KSR2: variants seen among roughly 807,000 people sequenced by gnomAD.
The protein encoded by KSR2 is kinase suppressor of ras 2.
Under a neutral mutation model 107.8 loss-of-function variants are expected in KSR2, and 25 were observed. That is an observed-to-expected ratio of 0.23 (90% CI 0.17 to 0.32). KSR2 has a LOEUF of 0.32. Ranked by LOEUF, KSR2 falls within the 10% of genes least tolerant of loss-of-function variation. KSR2 has a pLI of 1.00. For synonymous variants in KSR2, 480 were observed against 507.0 expected, an observed-to-expected ratio of 0.95 and a Z score of 0.71; for missense variants, 887 against 1,268.9, an observed-to-expected ratio of 0.70 and a Z score of 4.57.
chr12:117,546,191 C>T (rs1053216862), intron 9 of KSR2, among the ~76,000 whole-genome samples: 8 of 152,168 alleles, frequency 5.3e-5, no homozygotes, highest in African/African-American at 1.9e-4. Context: ...CTTCATCTGA[C>T]AATGTCTTGA....
intron 5 of KSR2, among the ~76,000 whole-genome samples, chr12:117,657,786 C>A (rs1316503770): frequency 6.6e-6 from 1 of 152,204 alleles, no homozygotes; most frequent in African/African-American, 2.4e-5. Context: ...ATGTTCGTTG[C>A]TATCTATTCA....
At chr12:117,860,651 C>T (rs1307517421) in intron 1 of KSR2, among the ~76,000 whole-genome samples, 4 of 152,120 alleles carry the variant, frequency 2.6e-5, no homozygotes, top group African/African-American at 4.8e-5. Flanking sequence ...TTGGGGGAGG[C>T]GGCGCACATT....
intron 14 of KSR2, among the ~76,000 whole-genome samples, chr12:117,490,747 G>T (rs1057166813): frequency 2.0e-5 from 3 of 152,074 alleles, no homozygotes; most frequent in African/African-American, 7.2e-5. Flanking sequence ...AATGAAGCAT[G>T]GTATCAATCT....
intron 1 of KSR2, among the ~76,000 whole-genome samples, chr12:117,914,288 G>T (rs2137437401): frequency 6.6e-6 from 1 of 152,086 alleles, no homozygotes; most frequent in South Asian, 2.1e-4. Flanking sequence ...AATTAGCCAG[G>T]CGTGGTGGCA....
chr12:117,690,099 C>CA (rs1885750902), intron 4 of KSR2, among the ~76,000 whole-genome samples: 1 of 152,136 alleles, frequency 6.6e-6, no homozygotes, highest in Non-Finnish European at 1.5e-5. Context: ...ACTTTATTTA[C>CA]AAAAACAGGC....
intron 1 of KSR2, among the ~76,000 whole-genome samples, chr12:117,880,478 A>C (rs10850919): frequency 0.39 from 59,782 of 151,720 alleles, 14,405 homozygotes; most frequent in East Asian, 0.87. Flanking sequence ...ACCAAAGAGA[A>C]AATTTAACTC....
rs373024061 is a variant in KSR2, at chr12:117,826,519, CA to C, written c.472+28908del. Among the ~76,000 whole-genome samples the C allele has an allele frequency of 5.9e-3, 893 of 150,396 alleles. 7 individuals carry two copies. The highest frequency in any genetic ancestry group is 0.02 in the African/African-American group (806 of 40,930). Reference sequence around the variant, plus strand: ...AAAAACACACTAATAGGAGAACAAACAAAAAAAAACCATTTAAAATACACTG... The same window carrying C: ...AAAAACACACTAATAGGAGAACAAACAAAAAAAACCATTTAAAATACACTG... On this transcript the variant is annotated intron_variant, in intron 3 of 19. Transcript: ENST00000339824.
chr12:117,661,014 G>A (rs1884410025), intron 5 of KSR2, among the ~76,000 whole-genome samples: 1 of 152,182 alleles, frequency 6.6e-6, no homozygotes, highest in Admixed American at 6.5e-5. Context: ...CAGTGGAGTT[G>A]TCTATAAAGA....
intron 4 of KSR2, among the ~76,000 whole-genome samples, chr12:117,754,551 T>C (rs1195712415): frequency 1.3e-5 from 2 of 151,952 alleles, no homozygotes; most frequent in Non-Finnish European, 2.9e-5. Flanking sequence ...GGCAGGAGAA[T>C]CGCTTGTACC....
chr12:117,614,892 T>C (rs757353763), intron 5 of KSR2, among the ~76,000 whole-genome samples: 6 of 152,202 alleles, frequency 3.9e-5, no homozygotes, highest in Non-Finnish European at 7.3e-5. Flanking sequence ...TCCCTGTTTT[T>C]TGTCCTGACA....
chr12:117,827,990 A>G (rs1033150023), intron 3 of KSR2, among the ~76,000 whole-genome samples: 2 of 152,172 alleles, frequency 1.3e-5, no homozygotes, highest in African/African-American at 4.8e-5. Flanking sequence ...ATTATCTCAT[A>G]TTATCTTCCC....
At chr12:117,848,480 G>A (rs980275555) in intron 3 of KSR2, among the ~76,000 whole-genome samples, 1 of 152,226 alleles carries the variant, frequency 6.6e-6, no homozygotes, top group Non-Finnish European at 1.5e-5. Context: ...GAGAAAACTG[G>A]TTTGAGGTTT....
At chr12:117,505,648 C>T (rs943310055) in intron 14 of KSR2, among the ~76,000 whole-genome samples, 11 of 152,200 alleles carry the variant, frequency 7.2e-5, no homozygotes, top group African/African-American at 1.9e-4. Flanking sequence ...TTTCTTATCA[C>T]AATTACTCAT....
intron 3 of KSR2, among the ~76,000 whole-genome samples, chr12:117,825,989 G>A (rs1193394799): frequency 6.0e-5 from 9 of 150,256 alleles, no homozygotes; most frequent in African/African-American, 2.2e-4. Flanking sequence ...GTGAACAGGT[G>A]GGTGGATGGG....
intron 5 of KSR2, among the ~76,000 whole-genome samples, chr12:117,611,445 G>GACACAC (rs6144887): frequency 1.8e-3 from 260 of 144,614 alleles, no homozygotes; most frequent in African/African-American, 6.3e-3. Context: ...TGCACGCACA[G>GACACAC]ACACACACAC....
At chr12:117,540,480 C>T (rs551854322) in intron 9 of KSR2, among the ~76,000 whole-genome samples, 1 of 152,314 alleles carries the variant, frequency 6.6e-6, no homozygotes, top group Non-Finnish European at 1.5e-5. Context: ...AGACGTCCAC[C>T]CAGGACCTCT....
chr12:117,906,904 G>C (rs1051603997), intron 1 of KSR2, among the ~76,000 whole-genome samples: 6 of 152,158 alleles, frequency 3.9e-5, no homozygotes, highest in African/African-American at 1.2e-4. Context: ...GCACACGCCT[G>C]TAGTCCTAAG....
At chr12:117,555,949 G>A in intron 8 of KSR2, among the ~76,000 whole-genome samples, 1 of 147,494 alleles carries the variant, frequency 6.8e-6, no homozygotes, top group East Asian at 2.0e-4. Context: ...ATTGTTACTT[G>A]TTAGCTGTTG....
rs559484584 is a variant in KSR2, at chr12:117,760,460, T to C, written c.986+551A>G. Among the ~76,000 whole-genome samples the C allele has an allele frequency of 2.6e-5, 4 of 152,370 alleles. No homozygotes were observed. In the South Asian group the frequency reaches 8.3e-4, roughly 32 times the overall value. ...ACATTGATTCTTTGTTAAGATATTATAATTTTGATATATTGGGTTGAATGA... is the reference window on the plus strand; with the variant it reads ...ACATTGATTCTTTGTTAAGATATTACAATTTTGATATATTGGGTTGAATGA... On this transcript the variant is annotated intron_variant, in intron 4 of 19. Coordinates refer to ENST00000339824, the MANE Select transcript of KSR2 (RefSeq NM_173598.6).
Sources: allele counts gnomAD v4.1 joint callset (sites outside exome capture counted in the v4.1 genomes callset), GRCh38; gene constraint gnomAD v4.1.1; transcripts MANE v1.5; gene names NCBI Gene and HGNC (gene_info 2026-07-23, HGNC 2026-07-21).